The following NUP88 variants were observed in gnomAD, a reference collection of about 807,000 sequenced individuals.
The protein encoded by NUP88 is nucleoporin 88.
NUP88 carries 57 observed loss-of-function variants against 93.9 expected under a neutral mutation model. The observed-to-expected ratio is 0.61, with a 90% confidence interval of 0.49 to 0.76. The LOEUF is 0.76. Among genes scored for constraint, NUP88 ranks in the 30% least tolerant of loss-of-function variants. NUP88 has a pLI of 0.00. For synonymous variants in NUP88, 346 were observed against 336.8 expected (o/e 1.03, Z -0.30); for missense variants, 911 against 901.0 (o/e 1.01, Z -0.14).
chr17:5,408,916 A>G lies in NUP88; in HGVS notation c.681-7T>C. 6.5e-7 allele frequency: 1 copy of G among 1,545,740 alleles called. No homozygotes were observed. Among genetic ancestry groups the G allele is most frequent in the Non-Finnish European group, 8.7e-7 (1 of 1,149,758 alleles). ...AGATGCGGTATACGCCCTTCTGGAA[A>G]GAGATGTAAAAACCAACTTGTTAAA... On this transcript the variant is annotated splice_polypyrimidine_tract_variant and splice_region_variant and intron_variant, in intron 4 of 16. Coordinates refer to ENST00000573584, the MANE Select transcript of NUP88 (RefSeq NM_002532.6).
intron 2 of NUP88, among the ~76,000 whole-genome samples, chr17:5,415,308 T>C (rs376788495): frequency 2.4e-4 from 37 of 152,224 alleles, no homozygotes; most frequent in African/African-American, 8.9e-4. Context: ...GTGTGAGCCA[T>C]CGTGCCTGGC....
At chr17:5,419,064 A>T (rs1914404427) in intron 1 of NUP88, among the ~76,000 whole-genome samples, 1 of 152,254 alleles carries the variant, frequency 6.6e-6, no homozygotes, top group African/African-American at 2.4e-5. Flanking sequence ...AACTAAAAAT[A>T]GCAACTCCGC....
In NUP88 at chr17:5,387,921, C is replaced by G; in HGVS notation, c.1644-17G>C. On this transcript the variant is annotated splice_polypyrimidine_tract_variant and intron_variant, in intron 11 of 16. Coordinates refer to ENST00000573584, the MANE Select transcript of NUP88 (RefSeq NM_002532.6). ...TCAGAAGCTCTTAAAAACAAAGTTTCTACCTTTATTTTCCTTAGCTGAGTA... is the reference window on the plus strand; with the variant it reads ...TCAGAAGCTCTTAAAAACAAAGTTTGTACCTTTATTTTCCTTAGCTGAGTA... The G allele has an allele frequency of 6.2e-7, 1 of 1,607,652 alleles. No individual in the cohort carries two copies. The highest frequency in any genetic ancestry group is 8.5e-7 in the Non-Finnish European group (1 of 1,178,084).
At chr17:5,416,724 T>A (rs1806265) in intron 1 of NUP88, 42 bp from the exon 2 acceptor site, 653,811 of 1,512,606 alleles carry the variant, frequency 0.43, 148,885 homozygotes, top group East Asian at 0.84. Context: ...TAATTTTAAT[T>A]TAAATATAGG....
intron 7 of NUP88, among the ~76,000 whole-genome samples, chr17:5,401,428 C>T (rs1913160447): frequency 6.6e-6 from 1 of 151,548 alleles, no homozygotes. Context: ...AAACAAAATA[C>T]AGAGATAAGG....
intron 9 of NUP88, among the ~76,000 whole-genome samples, 199 bp from the exon 10 acceptor site, chr17:5,391,861 G>A (rs1410327359): frequency 1.3e-5 from 2 of 152,214 alleles, no homozygotes; most frequent in African/African-American, 4.8e-5. Context: ...ATGTGACTAA[G>A]TCACTCAGGA....
At chr17:5,399,093 A>G (rs566244567) in intron 8 of NUP88, among the ~76,000 whole-genome samples, 16 of 141,160 alleles carry the variant, frequency 1.1e-4, no homozygotes, top group South Asian at 4.6e-4. Flanking sequence ...GGGTTTCACC[A>G]TGTTAGCCAG....
At chr17:5,413,395 AC>A (rs1222182388) in intron 3 of NUP88, among the ~76,000 whole-genome samples, 11 of 152,366 alleles carry the variant, frequency 7.2e-5, no homozygotes, top group African/African-American at 2.4e-4. Flanking sequence ...TTAGTAGAGC[AC>A]AGTTAAAAGC....
chr17:5,398,961 T>C (rs1232915702), intron 8 of NUP88, among the ~76,000 whole-genome samples: 1 of 149,726 alleles, frequency 6.7e-6, no homozygotes, highest in Non-Finnish European at 1.5e-5. Context: ...TGATCTTGGC[T>C]CACTGCAAGC....
rs533448343 is a variant in NUP88, at chr17:5,399,439, C to T, written c.1291+113G>A. 125 of 590,916 alleles carry T rather than the reference C, an allele frequency of 2.1e-4. 1 individual carries two copies. Among genetic ancestry groups the T allele is most frequent in the East Asian group, 9.3e-4 (32 of 34,294 alleles). 36.6% of individuals were successfully genotyped at this position (590,916 alleles called of 1,614,324 possible). A position where few individuals can be genotyped will look rare whatever the true frequency, so the allele number is the denominator to read the frequency against. ...TGGTTGATCTTTTCAAAGAACCTTT[C>T]GGTTTCACTGATTTTCTCTATCATT... On this transcript the variant is annotated intron_variant, in intron 8 of 16. Transcript: ENST00000573584.
intron 7 of NUP88, among the ~76,000 whole-genome samples, chr17:5,403,632 C>A (rs1913302504): frequency 6.6e-6 from 1 of 151,116 alleles, no homozygotes; most frequent in Non-Finnish European, 1.5e-5. Flanking sequence ...TAGACTCCAG[C>A]CTGGGTGACA....
chr17:5,400,140 TAA>T (rs1280995996), intron 7 of NUP88, among the ~76,000 whole-genome samples: 59 of 120,626 alleles, frequency 4.9e-4, no homozygotes, highest in African/African-American at 1.0e-3. Flanking sequence ...TTTCATTTGT[TAA>T]AAAAAAAAAA....
Position 5,416,592 on chromosome 17 carries a change from C to T in NUP88, c.388G>A (p.Gly130Arg). 8 of 1,611,916 alleles carry T rather than the reference C, an allele frequency of 5.0e-6. No individual in the cohort carries two copies. The highest frequency in any genetic ancestry group is 5.9e-6 in the Non-Finnish European group (7 of 1,178,974). Residue 130 changes from glycine to arginine, a missense_variant, in exon 2 of 17, where the codon GGA becomes AGA. Transcript: ENST00000573584. ...TTAGGTAATTCTAATACCATAAGTC[C>T]TTTTATTCCTATAAGTGCTACATGA... is the stretch of plus-strand genomic sequence containing the variant. ...QHHVALIGIK[G>R]LMVLELPKRW...
At chr17:5,394,608 A>C (rs1182757841) in intron 9 of NUP88, among the ~76,000 whole-genome samples, 1 of 152,154 alleles carries the variant, frequency 6.6e-6, no homozygotes, top group Non-Finnish European at 1.5e-5. Context: ...AGTGACATTA[A>C]GATCAGAAAG....
rs1567564562 is a variant in NUP88, at chr17:5,388,786, G to A, written c.1643+16C>T. 5.6e-6 allele frequency: 9 copies of A among 1,609,442 alleles called. No homozygotes were observed. The highest frequency in any genetic ancestry group is 5.4e-5 in the African/African-American group (4 of 74,686). On this transcript the variant is annotated intron_variant, in intron 11 of 16. Transcript: ENST00000573584. ...GAGAACCCATTCATAAAACCGCTAT[G>A]CCCAAGGTTGCATACTTCAAAAATG...
Position 5,405,185 on chromosome 17 carries a change from T to TATC in NUP88, c.913_915dup (p.Asp305dup), listed in dbSNP as rs1388006283. 6.2e-7 allele frequency: 1 copy of TATC among 1,614,198 alleles called. No individual in the cohort carries two copies. On this transcript the variant is annotated inframe_insertion, in exon 6 of 17. Transcript: ENST00000573584. ...ACAGCACACGCATCATAACCATAGT[T>TATC]ATCTTCAGCCGCAGGATGCATGGGC...
chr17:5,393,946 T>A (rs1487532279), intron 9 of NUP88, among the ~76,000 whole-genome samples: 1 of 152,200 alleles, frequency 6.6e-6, no homozygotes, highest in Non-Finnish European at 1.5e-5. Flanking sequence ...GTATCTAGAA[T>A]ACCTTCCAGG....
At chr17:5,408,698 G>A (rs1180852771) in intron 5 of NUP88, 35 bp downstream of exon 5, 1 of 1,527,906 alleles carries the variant, frequency 6.5e-7, no homozygotes, top group East Asian at 2.3e-5. Context: ...CCCAAACTGA[G>A]TTTTCATTTC....
At chr17:5,400,986 T>G (rs1195526041) in intron 7 of NUP88, among the ~76,000 whole-genome samples, 3 of 152,216 alleles carry the variant, frequency 2.0e-5, no homozygotes, top group Admixed American at 6.5e-5. Flanking sequence ...TGAGCCCCAG[T>G]ATCAGTAAGA....
Sources: gnomAD v4.1 joint callset for allele counts (sites outside exome capture counted in the v4.1 genomes callset) on GRCh38, gnomAD v4.1.1 for gene constraint, MANE v1.5 for transcripts, NCBI Gene and HGNC (gene_info 2026-07-23, HGNC 2026-07-21) for gene names.